The following PSME4 variants were observed in gnomAD, a reference collection of about 807,000 sequenced individuals.
PSME4 encodes the protein proteasome activator subunit 4, also known as proteasome activator complex subunit 4.
Under a neutral mutation model 253.9 loss-of-function variants are expected in PSME4, and 89 were observed. That is an observed-to-expected ratio of 0.35 (90% CI 0.30 to 0.42). The LOEUF is 0.42. Ranked by LOEUF, PSME4 falls within the 10% of genes least tolerant of loss-of-function variation. PSME4 has a pLI of 1.00. For synonymous variants in PSME4, 851 were observed against 759.2 expected, an observed-to-expected ratio of 1.12 and a Z score of -1.99; for missense variants, 2,014 against 2,195.2, an observed-to-expected ratio of 0.92 and a Z score of 1.65.
At chr2:53,898,927 G>GAT (rs965491445) in intron 29 of PSME4, among the ~76,000 whole-genome samples, 1 of 151,812 alleles carries the variant, frequency 6.6e-6, no homozygotes, top group African/African-American at 2.4e-5. Context: ...ACTATTAAAT[G>GAT]ATACATCTGC....
intron 2 of PSME4, 86 bp downstream of exon 2, chr2:53,949,057 T>G (rs1387388929): frequency 7.1e-7 from 1 of 1,416,782 alleles, no homozygotes; most frequent in African/African-American, 1.5e-5. Flanking sequence ...AGACTTGGTC[T>G]TCTTACCAAA....
At chr2:53,963,807 A>T (rs1220430587) in intron 1 of PSME4, among the ~76,000 whole-genome samples, 1 of 152,208 alleles carries the variant, frequency 6.6e-6, no homozygotes, top group Non-Finnish European at 1.5e-5. Flanking sequence ...TAATTTTTTT[A>T]GGTTTTATAA....
chr2:53,885,883 C>A, intron 40 of PSME4, 108 bp from the exon 41 acceptor site: 1 of 657,024 alleles, frequency 1.5e-6, no homozygotes, highest in Admixed American at 2.5e-5. Flanking sequence ...GACAGCTCTT[C>A]GGTGCTATGA....
intron 6 of PSME4, among the ~76,000 whole-genome samples, chr2:53,936,469 A>C (rs1438880507): frequency 1.3e-5 from 2 of 152,252 alleles, no homozygotes; most frequent in Non-Finnish European, 1.5e-5. Flanking sequence ...CAGCAGCATG[A>C]TAGTACAGGT....
intron 3 of PSME4, among the ~76,000 whole-genome samples, chr2:53,940,854 T>TATATATATAATACATATTTAA (rs1669359583): frequency 1.1e-5 from 1 of 94,328 alleles, no homozygotes; most frequent in Non-Finnish European, 2.5e-5. Context: ...AAAAAATTTA[T>TATATATATAATACATATTTAA]ATATATATAA....
At chr2:53,951,286 T>C (rs530027749) in intron 1 of PSME4, among the ~76,000 whole-genome samples, 1 of 152,342 alleles carries the variant, frequency 6.6e-6, no homozygotes, top group African/African-American at 2.4e-5. Flanking sequence ...TTTCACCATG[T>C]TGGCCAGGCT....
chr2:53,872,311 C>CT (rs1360418007), intron 43 of PSME4, among the ~76,000 whole-genome samples: 1 of 152,124 alleles, frequency 6.6e-6, no homozygotes, highest in Non-Finnish European at 1.5e-5. Context: ...AGTAAGGTTT[C>CT]TTTAAACAGT....
intron 1 of PSME4, among the ~76,000 whole-genome samples, chr2:53,960,789 C>T (rs1220708315): frequency 1.3e-5 from 2 of 152,062 alleles, no homozygotes; most frequent in Non-Finnish European, 2.9e-5. Flanking sequence ...TTTTTATGTT[C>T]CACAGATGTA....
intron 26 of PSME4, among the ~76,000 whole-genome samples, chr2:53,905,971 C>T (rs1456426728): frequency 1.3e-5 from 2 of 152,130 alleles, no homozygotes; most frequent in African/African-American, 4.8e-5. Flanking sequence ...ATAAACATTT[C>T]CTTTGAGCAT....
intron 7 of PSME4, 90 bp downstream of exon 7, chr2:53,935,997 G>A (rs1669089541): frequency 6.7e-6 from 10 of 1,488,494 alleles, no homozygotes; most frequent in Non-Finnish European, 9.0e-6. Flanking sequence ...GGGTTCAAGA[G>A]ATTCTCCTGC....
chr2:53,918,770 C>G, intron 20 of PSME4, among the ~76,000 whole-genome samples: 1 of 151,546 alleles, frequency 6.6e-6, no homozygotes, highest in Admixed American at 6.6e-5. Flanking sequence ...TTGAAGAAAT[C>G]TTTTTTTTTA....
intron 20 of PSME4, among the ~76,000 whole-genome samples, chr2:53,914,671 AG>A (rs1247296949): frequency 1.3e-5 from 2 of 152,088 alleles, no homozygotes; most frequent in Non-Finnish European, 2.9e-5. Context: ...TCACAAGGTC[AG>A]GAGTTCAAGA....
intron 1 of PSME4, among the ~76,000 whole-genome samples, chr2:53,963,056 T>C (rs1009844950): frequency 2.7e-5 from 4 of 150,174 alleles, no homozygotes; most frequent in Non-Finnish European, 5.9e-5. Flanking sequence ...GGCTCACGCA[T>C]GTAATCCCAA....
chr2:53,941,000 T>TAC (rs1669429934), intron 3 of PSME4, among the ~76,000 whole-genome samples: 2 of 97,088 alleles, frequency 2.1e-5, no homozygotes, highest in Non-Finnish European at 4.3e-5. Flanking sequence ...TATATATATA[T>TAC]GAAAGGAGTA....
At chr2:53,940,952 CATATATATATATAT>C (rs1169212491) in intron 3 of PSME4, among the ~76,000 whole-genome samples, 2 of 24,022 alleles carry the variant, frequency 8.3e-5, no homozygotes, top group East Asian at 1.2e-3. Flanking sequence ...TATATATATA[CATATATATATATAT>C]ATATATATAT....
chr2:53,874,026 A>T (rs1679010989), intron 43 of PSME4, among the ~76,000 whole-genome samples: 1 of 152,214 alleles, frequency 6.6e-6, no homozygotes, highest in South Asian at 2.1e-4. Context: ...GCAGTGGTAC[A>T]ATCACAGCTC....
intron 43 of PSME4, among the ~76,000 whole-genome samples, chr2:53,873,434 T>G (rs1678987844): frequency 6.6e-6 from 1 of 152,138 alleles, no homozygotes; most frequent in African/African-American, 2.4e-5. Flanking sequence ...AGTACTTTAC[T>G]ACAAGACAAA....
Position 53,923,383 on chromosome 2 carries a change from G to A in PSME4, c.1846C>T (p.His616Tyr). 1 of 1,610,414 alleles carries A rather than the reference G, an allele frequency of 6.2e-7. No homozygotes were observed. Among genetic ancestry groups the A allele is most frequent in the Non-Finnish European group, 8.5e-7 (1 of 1,178,978 alleles). The part of the protein sequence containing the change: ...LQKVFNFSTS[H>Y]IFETRVAGRM... ...CCTGCTACTCTTGTTTCAAATATAT[G>A]TGAAGTAGAAAAATTAAAAACCTTC... is the stretch of plus-strand genomic sequence containing the variant. The change falls in exon 15 of 47, where the codon CAT becomes TAT. Residue 616 changes from histidine (H) to tyrosine (Y), a missense_variant. Transcript: ENST00000404125.
intron 27 of PSME4, 74 bp from the exon 28 acceptor site, chr2:53,901,633 T>C (rs1215428204): frequency 1.9e-5 from 24 of 1,246,976 alleles, no homozygotes; most frequent in South Asian, 9.0e-5. Flanking sequence ...AATGCACCTA[T>C]GTATTGGTTT....
Sources: gnomAD v4.1 joint callset for allele counts (sites outside exome capture counted in the v4.1 genomes callset) on GRCh38, gnomAD v4.1.1 for gene constraint, MANE v1.5 for transcripts, NCBI Gene and HGNC (gene_info 2026-07-23, HGNC 2026-07-21) for gene names.